The following MYT1L variants were observed in gnomAD, a reference collection of about 807,000 sequenced individuals.
MYT1L encodes the protein myelin transcription factor 1-like protein.
A neutral mutation model predicts 126.7 loss-of-function variants in MYT1L; 12 were observed. The observed-to-expected ratio is 0.09, with a 90% CI of 0.06 to 0.15. The LOEUF is 0.15. MYT1L is among the 10% of genes least tolerant of loss of function. MYT1L has a pLI of 1.00. For missense variants in MYT1L, 979 were observed against 1,585.2 expected, an observed-to-expected ratio of 0.62 and a Z score of 6.49; for synonymous variants, 541 against 604.2, an observed-to-expected ratio of 0.90 and a Z score of 1.53.
chr2:1,988,678 G>A (rs1256847358), intron 5 of MYT1L, among the ~76,000 whole-genome samples: 3 of 152,222 alleles, frequency 2.0e-5, no homozygotes, highest in Admixed American at 2.0e-4. Context: ...GCATTGGGTG[G>A]TGGAGAGGAC....
chr2:2,253,259 G>A (rs1325183434), intron 2 of MYT1L, among the ~76,000 whole-genome samples: 2 of 152,206 alleles, frequency 1.3e-5, no homozygotes, highest in East Asian at 1.9e-4. Context: ...TGCCCCCCTC[G>A]CAGGAGCCTC....
chr2:1,843,527 T>C (rs1255121687), intron 19 of MYT1L, among the ~76,000 whole-genome samples: 1 of 150,168 alleles, frequency 6.7e-6, no homozygotes, highest in African/African-American at 2.5e-5. Flanking sequence ...AGAATTAAAG[T>C]GTCTTACCCA....
intron 9 of MYT1L, among the ~76,000 whole-genome samples, chr2:1,930,630 G>C (rs2054834529): frequency 6.6e-6 from 1 of 152,202 alleles, no homozygotes; most frequent in Non-Finnish European, 1.5e-5. Context: ...GCTGGGAGCT[G>C]TGAGTACAGG....
chr2:2,160,595 T>A (rs1417502624), intron 3 of MYT1L, among the ~76,000 whole-genome samples: 3 of 152,196 alleles, frequency 2.0e-5, no homozygotes, highest in Non-Finnish European at 2.9e-5. Context: ...TGCTGCCAAC[T>A]GTAAGGCTAC....
intron 18 of MYT1L, among the ~76,000 whole-genome samples, chr2:1,875,582 C>A (rs1210202641): frequency 1.3e-5 from 2 of 152,226 alleles, no homozygotes; most frequent in East Asian, 3.9e-4. Context: ...AGGCGAGTGC[C>A]TCAGTTTCCC....
intron 4 of MYT1L, among the ~76,000 whole-genome samples, chr2:2,029,796 T>C (rs1032274734): frequency 2.6e-5 from 4 of 152,248 alleles, no homozygotes; most frequent in African/African-American, 7.2e-5. Context: ...TAGAAAGTTA[T>C]TGGCATTTTA....
intron 21 of MYT1L, among the ~76,000 whole-genome samples, chr2:1,817,650 C>T (rs1009802022): frequency 3.3e-5 from 5 of 152,136 alleles, no homozygotes; most frequent in Non-Finnish European, 5.9e-5. Context: ...AGGCCCAGCG[C>T]GGCCCTGGGG....
chr2:1,884,276 A>G (rs2047917789), intron 18 of MYT1L, among the ~76,000 whole-genome samples: 1 of 152,206 alleles, frequency 6.6e-6, no homozygotes, highest in Non-Finnish European at 1.5e-5. Context: ...GCTTAATATC[A>G]CGATGTTAAT....
rs537850229 is a variant in MYT1L at position 2,090,275 on chromosome 2, T to C, written c.-303-36152A>G. ...GTTTAATACAGGCATACCTCAGAGATACTGCAGGCTCACACCAGACCACCA... is the reference window on the plus strand; with the variant it reads ...GTTTAATACAGGCATACCTCAGAGACACTGCAGGCTCACACCAGACCACCA... On this transcript the variant is annotated intron_variant, in intron 3 of 24. Coordinates refer to ENST00000647738, the MANE Select transcript of MYT1L (RefSeq NM_001303052.2). Among the ~76,000 whole-genome samples, 8 of 152,314 alleles carry C rather than the reference T, an allele frequency of 5.3e-5. No individual in the cohort carries two copies. In the East Asian group the frequency reaches 1.5e-3, roughly 29 times the overall value.
At chr2:1,938,368 C>T (rs2056248175) in intron 9 of MYT1L, among the ~76,000 whole-genome samples, 1 of 152,098 alleles carries the variant, frequency 6.6e-6, no homozygotes, top group Non-Finnish European at 1.5e-5. Flanking sequence ...AAATCTATGG[C>T]CATTGAACAA....
At chr2:2,262,692 C>CA (rs1239154235) in intron 2 of MYT1L, among the ~76,000 whole-genome samples, 8,288 of 105,752 alleles carry the variant, frequency 0.078, 319 homozygotes, top group South Asian at 0.17. Flanking sequence ...GACTCCATCT[C>CA]AAAAAAAAAA....
intron 8 of MYT1L, chr2:1,974,305 T>A (rs530564749): frequency 6.6e-5 from 10 of 152,254 alleles, no homozygotes; most frequent in Admixed American, 5.9e-4. Flanking sequence ...AGCAGCTGAA[T>A]GGGCTGAGCC....
intron 2 of MYT1L, among the ~76,000 whole-genome samples, chr2:2,248,452 A>G (rs1276026116): frequency 6.6e-6 from 1 of 152,190 alleles, no homozygotes; most frequent in Non-Finnish European, 1.5e-5. Flanking sequence ...AAGCATTTAA[A>G]GAAGAACCAA....
intron 3 of MYT1L, among the ~76,000 whole-genome samples, chr2:2,097,655 A>T (rs2077586740): frequency 6.6e-6 from 1 of 152,116 alleles, no homozygotes; most frequent in Non-Finnish European, 1.5e-5. Context: ...TGTCCATGAG[A>T]CTTACCTAAG....
intron 18 of MYT1L, among the ~76,000 whole-genome samples, chr2:1,881,023 G>A (rs982822899): frequency 2.0e-5 from 3 of 152,226 alleles, no homozygotes; most frequent in Non-Finnish European, 4.4e-5. Context: ...TCGATGTGGT[G>A]GTTGTTTTGT....
In MYT1L at chr2:2,322,599, A is replaced by C. The variant is rs575575718; in HGVS notation, c.-521+8368T>G. 1.5e-3 allele frequency among the ~76,000 whole-genome samples: 234 copies of C among 152,164 alleles called. 1 individual carries two copies. Among genetic ancestry groups the C allele is most frequent in the Middle Eastern group, 3.4e-3 (1 of 294 alleles). ...TATGACACAATTTTGACCCTAAAAA[A>C]AAAAAAACAAAATAGCTGGGCTCCA... On this transcript the variant is annotated intron_variant, in intron 1 of 24. Coordinates refer to ENST00000647738, the MANE Select transcript of MYT1L (RefSeq NM_001303052.2).
intron 3 of MYT1L, among the ~76,000 whole-genome samples, chr2:2,148,890 A>G (rs2085302410): frequency 6.6e-6 from 1 of 152,144 alleles, no homozygotes; most frequent in Non-Finnish European, 1.5e-5. Flanking sequence ...TTGCTCAAGA[A>G]TAAAATGCTG....
intron 21 of MYT1L, among the ~76,000 whole-genome samples, chr2:1,828,856 C>A (rs2039724236): frequency 6.6e-6 from 1 of 152,172 alleles, no homozygotes; most frequent in African/African-American, 2.4e-5. Context: ...TAGGGAAGGA[C>A]TTTAAAAAAA....
chr2:2,237,329 A>T (rs1480727051), intron 2 of MYT1L, among the ~76,000 whole-genome samples: 4 of 152,128 alleles, frequency 2.6e-5, no homozygotes, highest in African/African-American at 4.8e-5. Flanking sequence ...AGGAGCATGA[A>T]TGTGAAACAT....
Sources: gnomAD v4.1 joint callset for allele counts (sites outside exome capture counted in the v4.1 genomes callset) on GRCh38, gnomAD v4.1.1 for gene constraint, MANE v1.5 for transcripts, NCBI Gene and HGNC (gene_info 2026-07-23, HGNC 2026-07-21) for gene names.